Variants in KLF8 observed in about 807,000 individuals in gnomAD.
The protein encoded by KLF8 is Krueppel-like factor 8.
A neutral mutation model predicts 18.2 loss-of-function variants in KLF8; 10 were observed. The observed-to-expected ratio is 0.55, with a 90% CI of 0.34 to 0.93. KLF8 has a LOEUF of 0.93. Ranked by LOEUF, KLF8 falls within the 40% of genes least tolerant of loss-of-function variation. The pLI is 0.02. For missense variants in KLF8, 264 were observed against 277.9 expected, an observed-to-expected ratio of 0.95 and a Z score of 0.36; for synonymous variants, 109 against 97.3, an observed-to-expected ratio of 1.12 and a Z score of -0.71.
the KLF8 span, chrX:56,074,872 A>T: frequency 8.9e-6 from 1 of 112,558 alleles, no homozygotes; most frequent in Admixed American, 9.5e-5. Context: ...TGTTTTGGGT[A>T]GCATTGACAT....
At chrX:56,137,653 G>A in the KLF8 span, among the ~76,000 whole-genome samples, 1 of 105,595 alleles carries the variant, frequency 9.5e-6, no homozygotes, top group African/African-American at 3.5e-5. Flanking sequence ...CCTAATGCTA[G>A]ATGATGAGTT....
the KLF8 span, among the ~76,000 whole-genome samples, chrX:56,220,439 A>T: frequency 1.8e-4 from 20 of 111,438 alleles, no homozygotes; most frequent in Non-Finnish European, 5.7e-5. Context: ...AAGATACTGA[A>T]GTTGGTTTGC....
At chrX:56,068,988 C>T in the KLF8 span, among the ~76,000 whole-genome samples, 1 of 112,269 alleles carries the variant, frequency 8.9e-6, no homozygotes, top group Non-Finnish European at 1.9e-5. Flanking sequence ...ACTCCACCCA[C>T]CCTGACCACT....
chrX:55,977,050 G>T, the KLF8 span, among the ~76,000 whole-genome samples: 3 of 111,744 alleles, frequency 2.7e-5, no homozygotes, highest in African/African-American at 9.7e-5. Flanking sequence ...GTATAAGATA[G>T]GTCATCTGCC....
At chrX:56,174,998 T>C in the KLF8 span, among the ~76,000 whole-genome samples, 1 of 111,965 alleles carries the variant, frequency 8.9e-6, no homozygotes, top group East Asian at 2.8e-4. Flanking sequence ...TTCTTCTTTA[T>C]TAGTCTTGTC....
At chrX:55,972,235 A>C in the KLF8 span, among the ~76,000 whole-genome samples, 1 of 111,858 alleles carries the variant, frequency 8.9e-6, no homozygotes, top group Non-Finnish European at 1.9e-5. Flanking sequence ...GTTGGCAATA[A>C]AATGGATGGA....
chrX:56,181,167 T>G, the KLF8 span, among the ~76,000 whole-genome samples: 1 of 111,929 alleles, frequency 8.9e-6, no homozygotes, highest in Admixed American at 9.5e-5. Context: ...GCATATATAT[T>G]TAGGATAGTT....
At chrX:56,046,709 C>T in the KLF8 span, among the ~76,000 whole-genome samples, 3 of 111,236 alleles carry the variant, frequency 2.7e-5, no homozygotes, top group African/African-American at 9.8e-5. Flanking sequence ...CATAGGACCT[C>T]GATCTCTTCT....
At chrX:56,188,227 C>T in the KLF8 span, among the ~76,000 whole-genome samples, 1 of 111,484 alleles carries the variant, frequency 9.0e-6, no homozygotes, top group East Asian at 2.8e-4. Flanking sequence ...ACACCAATAA[C>T]AGACAAACAG....
the KLF8 span, among the ~76,000 whole-genome samples, chrX:56,066,871 G>C: frequency 9.1e-6 from 1 of 110,044 alleles, no homozygotes; most frequent in African/African-American, 3.3e-5. Context: ...GTGTTCTCCA[G>C]GCCACTCCCT....
At chrX:56,057,586 C>A in the KLF8 span, among the ~76,000 whole-genome samples, 1 of 111,308 alleles carries the variant, frequency 9.0e-6, no homozygotes, top group East Asian at 2.8e-4. Context: ...AGCACAGAAG[C>A]CATGATGCAG....
rs1423741882 is a variant in KLF8, at chrX:56,289,015, A to G, written c.*4521A>G. Among the ~76,000 whole-genome samples the G allele has an allele frequency of 8.9e-6, 1 of 111,926 alleles. No homozygotes were observed. The highest frequency in any genetic ancestry group is 1.9e-5 in the Non-Finnish European group (1 of 53,198). The stretch of plus-strand genomic sequence containing the variant: ...TCTGGAGTGGTAAGTTATATGCCAC[A>G]CCCTTCAGAGCATGTATCTTACATA... On this transcript the variant is annotated 3_prime_UTR_variant, in exon 6 of 6. Transcript: ENST00000468660.
chrX:56,018,491 AG>A, the KLF8 span, among the ~76,000 whole-genome samples: 1 of 111,716 alleles, frequency 9.0e-6, no homozygotes, highest in African/African-American at 3.2e-5. Context: ...TTGGGTGGAA[AG>A]AAGAATGAAA....
chrX:56,085,346 A>C, the KLF8 span, among the ~76,000 whole-genome samples: 1 of 112,261 alleles, frequency 8.9e-6, no homozygotes, highest in African/African-American at 3.2e-5. Context: ...CTGGTGACTC[A>C]GAAAATCCAG....
chrX:56,009,947 A>G, the KLF8 span, among the ~76,000 whole-genome samples: 6 of 112,259 alleles, frequency 5.3e-5, no homozygotes, highest in Non-Finnish European at 1.1e-4. Flanking sequence ...ACTTACCAGA[A>G]CTATTGAATT....
chrX:55,974,978 T>C, the KLF8 span, among the ~76,000 whole-genome samples: 3 of 112,349 alleles, frequency 2.7e-5, no homozygotes, highest in East Asian at 8.3e-4. Context: ...TTCGGTTGGA[T>C]TAATTCCTAG....
At chrX:56,056,325 G>T in the KLF8 span, among the ~76,000 whole-genome samples, 3 of 110,511 alleles carry the variant, frequency 2.7e-5, no homozygotes, top group Admixed American at 9.7e-5. Flanking sequence ...ATTTCTGGAA[G>T]ATTTTAGGGG....
chrX:56,147,434 G>A, the KLF8 span, among the ~76,000 whole-genome samples: 2 of 111,582 alleles, frequency 1.8e-5, no homozygotes, highest in African/African-American at 6.5e-5. Context: ...AAAGAAATCT[G>A]ATGGGATTTG....
chrX:56,185,571 G>A, the KLF8 span, among the ~76,000 whole-genome samples: 1 of 111,404 alleles, frequency 9.0e-6, no homozygotes, highest in Non-Finnish European at 1.9e-5. Context: ...ACACATAATT[G>A]TCAGATTCTC....
Sources: gnomAD v4.1 joint callset for allele counts (sites outside exome capture counted in the v4.1 genomes callset) on GRCh38, gnomAD v4.1.1 for gene constraint, MANE v1.5 for transcripts, NCBI Gene and HGNC (gene_info 2026-07-23, HGNC 2026-07-21) for gene names.